The following ABR variants were observed in gnomAD, a reference collection of about 807,000 sequenced individuals.
ABR encodes active breakpoint cluster region-related protein.
ABR carries 35 observed loss-of-function variants against 107.2 expected under a neutral mutation model. The observed-to-expected ratio is 0.33, with a 90% CI of 0.25 to 0.43. The LOEUF (loss-of-function observed/expected upper bound fraction) is 0.43, where lower values mean the gene tolerates loss of function less well. Ranked by LOEUF, ABR falls within the 20% of genes least tolerant of loss-of-function variation. The pLI, the probability that ABR is intolerant of heterozygous loss-of-function variation, is 1.00. For missense variants in ABR, 815 were observed against 1,115.2 expected, an observed-to-expected ratio of 0.73 and a Z score of 3.83; for synonymous variants, 498 against 462.0, an observed-to-expected ratio of 1.08 and a Z score of -1.00.
At chr17:1,119,755 G>C (rs1401403701) in intron 2 of ABR, among the ~76,000 whole-genome samples, 2 of 152,258 alleles carry the variant, frequency 1.3e-5, no homozygotes, top group Admixed American at 6.5e-5. Context: ...GGCGGGGTGG[G>C]TGTGAAAGCT....
At chr17:1,161,491 C>T (rs2041292218) in intron 1 of ABR, among the ~76,000 whole-genome samples, 1 of 151,936 alleles carries the variant, frequency 6.6e-6, no homozygotes, top group African/African-American at 2.4e-5. Context: ...AGCAATCCTC[C>T]CATCTCTGCC....
At chr17:1,074,373 C>T (rs192759877) in intron 6 of ABR, among the ~76,000 whole-genome samples, 15 of 148,282 alleles carry the variant, frequency 1.0e-4, no homozygotes, top group South Asian at 2.1e-4. Flanking sequence ...CACCCAGCCA[C>T]GCCCCGCAGA....
At chr17:1,216,497 G>C (rs778214659) in intron 1 of ABR, among the ~76,000 whole-genome samples, 57 of 152,358 alleles carry the variant, frequency 3.7e-4, no homozygotes, top group Non-Finnish European at 6.0e-4. Flanking sequence ...CGTCCAGCCT[G>C]AAGGGGCCCG....
At chr17:1,138,306 G>T (rs1312287091) in intron 1 of ABR, among the ~76,000 whole-genome samples, 1 of 152,094 alleles carries the variant, frequency 6.6e-6, no homozygotes, top group Admixed American at 6.6e-5. Flanking sequence ...GGTGGACGAC[G>T]GGGACAGGGA....
At chr17:1,026,168 G>A (rs1185389316) in intron 16 of ABR, among the ~76,000 whole-genome samples, 2 of 152,238 alleles carry the variant, frequency 1.3e-5, no homozygotes, top group African/African-American at 4.8e-5. Context: ...CTCCTTCATT[G>A]AGCTGATACC....
chr17:1,185,384 C>T (rs1208970938), intron 1 of ABR, among the ~76,000 whole-genome samples: 3 of 152,190 alleles, frequency 2.0e-5, no homozygotes, highest in Non-Finnish European at 4.4e-5. Context: ...GTGGCTCACG[C>T]CTGTAATCCC....
intron 16 of ABR, among the ~76,000 whole-genome samples, chr17:1,032,297 G>C (rs1269586246): frequency 6.6e-6 from 1 of 152,142 alleles, no homozygotes; most frequent in Non-Finnish European, 1.5e-5. Flanking sequence ...GAGCCAGCTT[G>C]GTGACCCGGC....
intron 12 of ABR, among the ~76,000 whole-genome samples, chr17:1,057,684 T>TGG (rs2033490475): frequency 1.6e-5 from 2 of 125,674 alleles, no homozygotes; most frequent in Non-Finnish European, 3.4e-5. Flanking sequence ...TGTGTGTGTG[T>TGG]CTCTGTGTGT....
chr17:1,118,194 C>T (rs1386051957), intron 2 of ABR, among the ~76,000 whole-genome samples: 1 of 57,946 alleles, frequency 1.7e-5, no homozygotes, highest in Non-Finnish European at 3.5e-5. Context: ...CTGAGTTCCT[C>T]CCCAGCGTTA....
rs542031344 is a variant in ABR, at chr17:1,006,026, C to T, written c.*54G>A. The T allele has an allele frequency of 2.7e-6, 4 of 1,456,456 alleles. 1 individual carries two copies. In the Admixed American group the frequency reaches 7.9e-5, roughly 29 times the overall value. The allele number at this position is 1,456,456 out of a possible 1,614,324, so 90.2% of individuals were successfully genotyped here. A position where few individuals can be genotyped will look rare whatever the true frequency, so the allele number is the denominator to read the frequency against. On this transcript the variant is annotated 3_prime_UTR_variant, in exon 23 of 23. Coordinates refer to ENST00000302538, the MANE Select transcript of ABR (RefSeq NM_021962.5). ...TGCAGTCTTTCAAGTCTGAGTTGGA[C>T]CCCAGGCTGGAGGGGCTGGTTCCAC...
At chr17:1,133,171 G>A (rs1567808721) in intron 1 of ABR, among the ~76,000 whole-genome samples, 1 of 152,070 alleles carries the variant, frequency 6.6e-6, no homozygotes, top group Non-Finnish European at 1.5e-5. Context: ...GAACCTGGGA[G>A]GTGGAGGTTG....
At chr17:1,170,748 T>C (rs1291660746) in intron 1 of ABR, among the ~76,000 whole-genome samples, 1 of 152,008 alleles carries the variant, frequency 6.6e-6, no homozygotes, top group African/African-American at 2.4e-5. Context: ...TCTCTTCCAT[T>C]CTTTCTAAAC....
chr17:1,209,681 G>A (rs73975673), intron 1 of ABR, among the ~76,000 whole-genome samples: 89 of 152,312 alleles, frequency 5.8e-4, no homozygotes, highest in African/African-American at 2.1e-3. Context: ...CTGCTTTGAA[G>A]TGGGTGGTGT....
At chr17:1,159,918 G>C (rs902686322) in intron 1 of ABR, among the ~76,000 whole-genome samples, 1 of 152,240 alleles carries the variant, frequency 6.6e-6, no homozygotes, top group African/African-American at 2.4e-5. Context: ...GCCCCTCCAG[G>C]GCCTGATCTC....
rs1347628382 is a variant in ABR at position 1,195,135 on chromosome 17, G to A, written c.838+33658C>T. On this transcript the variant is annotated intron_variant, in intron 1 of 22. Coordinates refer to the ABR transcript ENST00000574139. ...ATCCTGGCTAACACGGTGAAACCCC[G>A]TCTCTACTAAAAATACAAAAAATTA... Among the ~76,000 whole-genome samples the A allele has an allele frequency of 4.0e-4, 56 of 140,586 alleles. 1 individual carries two copies. The South Asian group carries it at 7.8e-3, about 20-fold the overall frequency. 92.2% of individuals were successfully genotyped at this position (140,586 alleles called of 152,430 possible).
At position 1,078,059 on chromosome 17, in the gene ABR, C is replaced by T. The variant is rs1311228386; in HGVS notation, c.700+1271G>A. ...CTTCCCCCCAGCCCCCAGCCAGCTGCGGGAGCTGCAAGGAGGATGGTCCGG... is the reference window on the plus strand; with the variant it reads ...CTTCCCCCCAGCCCCCAGCCAGCTGTGGGAGCTGCAAGGAGGATGGTCCGG... On this transcript the variant is annotated intron_variant, in intron 6 of 22. Transcript: ENST00000302538. This position sits in a 1 kb window ranked among gnomAD's most constrained non-coding sequence, Gnocchi z 7.5. Among the ~76,000 whole-genome samples, 14 of 152,252 alleles carry T rather than the reference C, an allele frequency of 9.2e-5. No homozygotes were observed. The highest frequency in any genetic ancestry group is 3.9e-4 in the Admixed American group (6 of 15,306).
chr17:1,043,177 T>C (rs2030948442), intron 16 of ABR, among the ~76,000 whole-genome samples: 1 of 152,184 alleles, frequency 6.6e-6, no homozygotes, highest in Admixed American at 6.5e-5. Flanking sequence ...CCAAAAATTA[T>C]TATTTTTTGA....
chr17:1,094,377 T>G (rs1240100443), intron 3 of ABR, among the ~76,000 whole-genome samples: 3 of 151,798 alleles, frequency 2.0e-5, no homozygotes, highest in Non-Finnish European at 2.9e-5. Flanking sequence ...GCAATTTTTT[T>G]TTTTTTTTTT....
intron 1 of ABR, among the ~76,000 whole-genome samples, chr17:1,145,158 G>T (rs556856148): frequency 4.6e-5 from 7 of 152,234 alleles, no homozygotes; most frequent in African/African-American, 7.2e-5. Context: ...CTCACTGCCT[G>T]TTATTTGTGG....
Sources: gnomAD v4.1 joint callset for allele counts (sites outside exome capture counted in the v4.1 genomes callset) on GRCh38, gnomAD v4.1.1 for gene constraint, Gnocchi (gnomAD v3.1) non-coding constraint, MANE v1.5 for transcripts, NCBI Gene and HGNC (gene_info 2026-07-23, HGNC 2026-07-21) for gene names.